SLC4A10: variants seen among roughly 807,000 people sequenced by gnomAD.
SLC4A10 encodes sodium-driven chloride bicarbonate exchanger.
SLC4A10 carries 42 observed loss-of-function variants against 137.7 expected under a neutral mutation model. That is an observed-to-expected ratio of 0.30 (90% confidence interval 0.24 to 0.39). SLC4A10 has a LOEUF of 0.39. Ranked by LOEUF, SLC4A10 falls within the 10% of genes least tolerant of loss-of-function variation. SLC4A10 has a pLI of 1.00. For synonymous variants in SLC4A10, 474 were observed against 464.1 expected, an observed-to-expected ratio of 1.02 and a Z score of -0.27; for missense variants, 925 against 1,355.0, an observed-to-expected ratio of 0.68 and a Z score of 4.98.
At chr2:161,689,705 T>C (rs1468839925) in intron 1 of SLC4A10, among the ~76,000 whole-genome samples, 1 of 152,232 alleles carries the variant, frequency 6.6e-6, no homozygotes. Flanking sequence ...TTCCAGATGT[T>C]ATATTTTCTA....
At chr2:161,973,928 TA>T (rs1698972842) in intron 23 of SLC4A10, among the ~76,000 whole-genome samples, 1 of 152,240 alleles carries the variant, frequency 6.6e-6, no homozygotes, top group Admixed American at 6.5e-5. Context: ...AAACTGATTA[TA>T]TCACCCATAC....
chr2:161,645,110 A>G (rs367719756), intron 1 of SLC4A10, among the ~76,000 whole-genome samples: 65 of 152,274 alleles, frequency 4.3e-4, no homozygotes, highest in African/African-American at 1.4e-3. Context: ...GTTATGCTAT[A>G]TTAACCCATA....
intron 2 of SLC4A10, among the ~76,000 whole-genome samples, chr2:161,774,434 A>C (rs62189057): frequency 6.6e-6 from 1 of 151,720 alleles, no homozygotes; most frequent in Non-Finnish European, 1.5e-5. Flanking sequence ...TTAGTAGTGG[A>C]TGTTACAGTG....
intron 1 of SLC4A10, among the ~76,000 whole-genome samples, chr2:161,677,142 ACT>A (rs1218689849): frequency 1.3e-5 from 2 of 151,482 alleles, no homozygotes; most frequent in Admixed American, 6.6e-5. Flanking sequence ...GTGAGTTCTT[ACT>A]CTTAGTTTTC....
chr2:161,755,369 G>A (rs2049499172), intron 1 of SLC4A10, among the ~76,000 whole-genome samples: 1 of 152,172 alleles, frequency 6.6e-6, no homozygotes, highest in African/African-American at 2.4e-5. Flanking sequence ...GGAATCTGAA[G>A]GGGAGAAGAA....
chr2:161,829,161 C>T (rs1238065005), intron 3 of SLC4A10, among the ~76,000 whole-genome samples: 1 of 151,978 alleles, frequency 6.6e-6, no homozygotes, highest in African/African-American at 2.4e-5. Context: ...CCTCTTTACC[C>T]TTATAGCACT....
intron 2 of SLC4A10, among the ~76,000 whole-genome samples, chr2:161,771,558 A>G (rs1472861756): frequency 2.6e-5 from 4 of 152,016 alleles, no homozygotes; most frequent in African/African-American, 4.8e-5. Context: ...ACCAGACTGC[A>G]GTGGATTCAA....
chr2:161,760,234 A>T (rs2050117823), intron 1 of SLC4A10, among the ~76,000 whole-genome samples: 2 of 151,748 alleles, frequency 1.3e-5, no homozygotes, highest in East Asian at 1.9e-4. Flanking sequence ...TTTCTTTTGA[A>T]TTTTTTATAT....
intron 3 of SLC4A10, among the ~76,000 whole-genome samples, chr2:161,816,300 G>A (rs56154342): frequency 0.066 from 10,094 of 152,106 alleles, 438 homozygotes; most frequent in East Asian, 0.15. Context: ...TTCAACTTCC[G>A]AAGAAGTATA....
chr2:161,699,700 GA>G, intron 1 of SLC4A10, among the ~76,000 whole-genome samples: 1 of 152,150 alleles, frequency 6.6e-6, no homozygotes, highest in Middle Eastern at 3.2e-3. Context: ...AGGGCTTTGA[GA>G]AAGGGAGGTG....
At chr2:161,750,852 C>T (rs979180012) in intron 1 of SLC4A10, among the ~76,000 whole-genome samples, 1 of 151,670 alleles carries the variant, frequency 6.6e-6, no homozygotes, top group Admixed American at 6.6e-5. Flanking sequence ...TCAGTTTCTT[C>T]TTTCAGACAT....
At chr2:161,910,838 C>G (rs1685656303) in intron 15 of SLC4A10, among the ~76,000 whole-genome samples, 1 of 151,774 alleles carries the variant, frequency 6.6e-6, no homozygotes, top group Non-Finnish European at 1.5e-5. Context: ...GAAGAGTATC[C>G]TCTCTCTCAT....
chr2:161,767,117 ATATATATATATATATATATATATGTGTG>A (rs1188985452), intron 1 of SLC4A10, among the ~76,000 whole-genome samples: 7 of 99,810 alleles, frequency 7.0e-5, no homozygotes, highest in African/African-American at 2.8e-4. Context: ...ATATATATAT[ATATATATATATATATATATATATGTGTG>A]TGTGTGTGTG....
In SLC4A10 at chr2:161,727,817, AG is replaced by A. The variant is rs554152489; in HGVS notation, c.49-43155del. Among the ~76,000 whole-genome samples the A allele has an allele frequency of 2.4e-3, 364 of 152,328 alleles. 2 individuals are homozygous for A. Among genetic ancestry groups the A allele is most frequent in the African/African-American group, 8.3e-3 (346 of 41,592 alleles). ...GTTCCAGAAAGAGAAAACAGAAAAT[AG>A]AAATAATCCCAACAAATTTTAAAAT... On this transcript the variant is annotated intron_variant, in intron 1 of 26. Transcript: ENST00000446997.
Position 161,950,838 on chromosome 2 carries a change from A to G in SLC4A10, c.2531A>G (p.His844Arg). The change falls in exon 19 of 27, where the codon CAT becomes CGT. Residue 844 changes from histidine to arginine, a missense_variant. By Grantham distance (29) the His-to-Arg change is conservative. Coordinates refer to ENST00000446997, the MANE Select transcript of SLC4A10 (RefSeq NM_001178015.2). ...ITAVIINRKEHKLKKGCGYHL... is the reference protein window; with the variant it reads ...ITAVIINRKERKLKKGCGYHL... ...GCTGTCATCATCAACAGGAAAGAGC[A>G]TAAGCTAAAGGTATATTTTAACATC... The G allele has an allele frequency of 6.2e-7, 1 of 1,600,886 alleles. No individual in the cohort carries two copies. Among genetic ancestry groups the G allele is most frequent in the Non-Finnish European group, 8.5e-7 (1 of 1,173,080 alleles).
intron 1 of SLC4A10, among the ~76,000 whole-genome samples, chr2:161,676,094 T>C (rs965043702): frequency 6.6e-6 from 1 of 152,188 alleles, no homozygotes; most frequent in African/African-American, 2.4e-5. Context: ...CACTTGAAAT[T>C]GTAGGTAAAC....
intron 1 of SLC4A10, among the ~76,000 whole-genome samples, chr2:161,727,838 T>A (rs1055530986): frequency 6.6e-6 from 1 of 152,036 alleles, no homozygotes; most frequent in South Asian, 2.1e-4. Context: ...CAACAAATTT[T>A]AAAATATTAT....
At chr2:161,934,329 C>T (rs1179583004) in intron 15 of SLC4A10, among the ~76,000 whole-genome samples, 1 of 152,172 alleles carries the variant, frequency 6.6e-6, no homozygotes, top group African/African-American at 2.4e-5. Flanking sequence ...TTACCCTTCC[C>T]AGCCTCTGAT....
At chr2:161,866,117 T>C (rs1294957175) in intron 6 of SLC4A10, among the ~76,000 whole-genome samples, 4 of 151,984 alleles carry the variant, frequency 2.6e-5, no homozygotes, top group East Asian at 1.9e-4. Flanking sequence ...CAAAAACAAA[T>C]TGAAGCTTAT....
Sources: gnomAD v4.1 joint callset for allele counts (sites outside exome capture counted in the v4.1 genomes callset) on GRCh38, gnomAD v4.1.1 for gene constraint, MANE v1.5 for transcripts, NCBI Gene and HGNC (gene_info 2026-07-23, HGNC 2026-07-21) for gene names.